The following KCNT2 variants were observed in gnomAD, a reference collection of about 807,000 sequenced individuals.
KCNT2 encodes potassium channel subfamily T member 2.
In KCNT2, 67 loss-of-function variants were observed where a neutral mutation model predicts 153.8. That is an observed-to-expected ratio of 0.44 (90% CI 0.36 to 0.53). The LOEUF (loss-of-function observed/expected upper bound fraction) is 0.53. KCNT2 is among the 20% of genes least tolerant of loss of function. KCNT2 has a pLI of 0.00. For synonymous variants in KCNT2, 500 were observed against 458.8 expected, an observed-to-expected ratio of 1.09 and a Z score of -1.15; for missense variants, 975 against 1,354.8, an observed-to-expected ratio of 0.72 and a Z score of 4.40.
At chr1:196,607,164 C>T (rs1665409148) in intron 1 of KCNT2, among the ~76,000 whole-genome samples, 1 of 152,080 alleles carries the variant, frequency 6.6e-6, no homozygotes, top group Non-Finnish European at 1.5e-5. Context: ...GTGTATTGGT[C>T]AGTGGTGAAT....
At chr1:196,481,474 A>T (rs190129221) in intron 4 of KCNT2, among the ~76,000 whole-genome samples, 1 of 152,340 alleles carries the variant, frequency 6.6e-6, no homozygotes, top group Non-Finnish European at 1.5e-5. Flanking sequence ...TTTATGAATA[A>T]ATAAATAAAC....
At chr1:196,233,067 A>G (rs898287399) in intron 27 of KCNT2, among the ~76,000 whole-genome samples, 1 of 151,438 alleles carries the variant, frequency 6.6e-6, no homozygotes, top group Non-Finnish European at 1.5e-5. Context: ...ATGCCATGAA[A>G]AAAGAACAGC....
At chr1:196,584,375 T>C (rs1662422044) in intron 1 of KCNT2, among the ~76,000 whole-genome samples, 1 of 151,938 alleles carries the variant, frequency 6.6e-6, no homozygotes, top group Non-Finnish European at 1.5e-5. Context: ...CTGTGATATA[T>C]GGGGAGCAGT....
rs181147057 is a variant in KCNT2 at position 196,417,278 on chromosome 1, G to C, written c.1185+5772C>G. ...CTCAAGGGTTATGTGAAGCTGACATGACAAGAAACCTGCTTACCTCCTCAC... is the reference window on the plus strand; with the variant it reads ...CTCAAGGGTTATGTGAAGCTGACATCACAAGAAACCTGCTTACCTCCTCAC... On this transcript the variant is annotated intron_variant, in intron 12 of 27. Coordinates refer to ENST00000294725, the MANE Select transcript of KCNT2 (RefSeq NM_198503.5). 3.3e-3 allele frequency among the ~76,000 whole-genome samples: 507 copies of C among 152,172 alleles called. 2 individuals carry two copies. The highest frequency in any genetic ancestry group is 5.9e-3 in the Non-Finnish European group (401 of 67,986).
intron 8 of KCNT2, among the ~76,000 whole-genome samples, chr1:196,460,346 G>A (rs771957567): frequency 1.3e-4 from 19 of 151,834 alleles, no homozygotes; most frequent in Middle Eastern, 3.4e-3. Flanking sequence ...CTGAAAATAA[G>A]AGTTTTAAAA....
intron 12 of KCNT2, among the ~76,000 whole-genome samples, chr1:196,420,442 T>C (rs763049209): frequency 5.3e-5 from 8 of 151,754 alleles, no homozygotes; most frequent in Non-Finnish European, 8.8e-5. Context: ...ATGTCTGCTG[T>C]CTGGTGTCTG....
intron 10 of KCNT2, among the ~76,000 whole-genome samples, chr1:196,426,426 A>C (rs544879887): frequency 2.0e-5 from 3 of 152,080 alleles, no homozygotes; most frequent in Non-Finnish European, 4.4e-5. Context: ...CTATATAATT[A>C]TGAAACAATA....
intron 21 of KCNT2, among the ~76,000 whole-genome samples, chr1:196,305,817 T>G (rs1264181830): frequency 6.6e-6 from 1 of 152,178 alleles, no homozygotes; most frequent in African/African-American, 2.4e-5. Flanking sequence ...CAAATCTTGC[T>G]ACAACAAACT....
At chr1:196,606,360 A>G (rs927737109) in intron 1 of KCNT2, among the ~76,000 whole-genome samples, 1 of 152,236 alleles carries the variant, frequency 6.6e-6, no homozygotes, top group African/African-American at 2.4e-5. Flanking sequence ...ACCAAAGAAT[A>G]GTTTTCCATG....
intron 1 of KCNT2, among the ~76,000 whole-genome samples, chr1:196,572,301 C>G (rs1486715413): frequency 6.6e-6 from 1 of 152,068 alleles, no homozygotes; most frequent in Non-Finnish European, 1.5e-5. Context: ...TCCTCCAGCT[C>G]AAGAGTAGTA....
chr1:196,585,277 T>A (rs909996223), intron 1 of KCNT2, among the ~76,000 whole-genome samples: 1 of 152,066 alleles, frequency 6.6e-6, no homozygotes, highest in African/African-American at 2.4e-5. Context: ...TACTATGCAA[T>A]CCTGTTCTGT....
intron 22 of KCNT2, among the ~76,000 whole-genome samples, chr1:196,298,516 T>G (rs550092575): frequency 5.7e-4 from 87 of 152,248 alleles, no homozygotes; most frequent in Admixed American, 2.6e-3. Flanking sequence ...GGAACTTCCG[T>G]GACTGTGATG....
At chr1:196,489,151 C>A (rs1348184275) in intron 3 of KCNT2, among the ~76,000 whole-genome samples, 1 of 151,966 alleles carries the variant, frequency 6.6e-6, no homozygotes, top group Admixed American at 6.6e-5. Context: ...GCATAAGCTA[C>A]TTCAAGCAGT....
intron 22 of KCNT2, among the ~76,000 whole-genome samples, chr1:196,304,307 T>G (rs1473112044): frequency 6.6e-6 from 1 of 152,166 alleles, no homozygotes; most frequent in Non-Finnish European, 1.5e-5. Context: ...GGCATCATTT[T>G]CTCTACCTCT....
chr1:196,343,287 C>T (rs1183347721), intron 14 of KCNT2, among the ~76,000 whole-genome samples: 1 of 152,154 alleles, frequency 6.6e-6, no homozygotes, highest in African/African-American at 2.4e-5. Flanking sequence ...CCGCCTAACT[C>T]AGTGGCTTTA....
chr1:196,526,891 A>G (rs981758008), intron 1 of KCNT2, among the ~76,000 whole-genome samples: 7 of 152,098 alleles, frequency 4.6e-5, no homozygotes, highest in Non-Finnish European at 5.9e-5. Flanking sequence ...CCTAACCCCC[A>G]TGCCTCAGAC....
intron 13 of KCNT2, among the ~76,000 whole-genome samples, chr1:196,387,334 T>C (rs1670080889): frequency 6.6e-6 from 1 of 152,000 alleles, no homozygotes; most frequent in South Asian, 2.1e-4. Context: ...TTTCTTACTG[T>C]ATGGCAACAT....
intron 8 of KCNT2, among the ~76,000 whole-genome samples, chr1:196,434,646 C>T (rs1342100072): frequency 6.6e-6 from 1 of 151,900 alleles, no homozygotes. Flanking sequence ...ACAAACCCTT[C>T]TTTTGCAATA....
chr1:196,371,503 A>G (rs1433757863), intron 14 of KCNT2, among the ~76,000 whole-genome samples: 1 of 152,042 alleles, frequency 6.6e-6, no homozygotes, highest in Non-Finnish European at 1.5e-5. Flanking sequence ...ATAGTATGTA[A>G]GTTTTATTTC....
Sources: gnomAD v4.1 joint callset for allele counts (sites outside exome capture counted in the v4.1 genomes callset) on GRCh38, gnomAD v4.1.1 for gene constraint, MANE v1.5 for transcripts, NCBI Gene and HGNC (gene_info 2026-07-23, HGNC 2026-07-21) for gene names.